DLGAP1: variants seen among roughly 807,000 people sequenced by gnomAD.
DLGAP1 encodes the protein disks large-associated protein 1.
In DLGAP1, 11 loss-of-function variants were observed where a neutral mutation model predicts 90.8. That is an observed-to-expected ratio of 0.12 (90% confidence interval 0.08 to 0.20). The LOEUF (loss-of-function observed/expected upper bound fraction) is 0.20, where lower values mean the gene tolerates loss of function less well. Among genes scored for constraint, DLGAP1 ranks in the 10% least tolerant of loss-of-function variants. The pLI, the probability that DLGAP1 is intolerant of heterozygous loss-of-function variation, is 1.00. For synonymous variants in DLGAP1, 558 were observed against 540.7 expected (o/e 1.03, Z -0.44); for missense variants, 1,050 against 1,333.8 (o/e 0.79, Z 3.31).
chr18:3,631,358 T>C (rs999687311), intron 7 of DLGAP1, among the ~76,000 whole-genome samples: 4 of 152,206 alleles, frequency 2.6e-5, no homozygotes, highest in African/African-American at 9.6e-5. Flanking sequence ...TATCTAGACT[T>C]AATACCCTTA....
chr18:4,080,890 C>CCTTTTTTTTTTTTTTTTTT (rs1230926803), intron 2 of DLGAP1, among the ~76,000 whole-genome samples: 1 of 145,592 alleles, frequency 6.9e-6, no homozygotes, highest in Non-Finnish European at 1.5e-5. Flanking sequence ...TTTGAATGCC[C>CCTTTTTTTTTTTTTTTTTT]TTTTTTTTTT....
intron 1 of DLGAP1, among the ~76,000 whole-genome samples, chr18:4,328,233 T>C (rs1035578229): frequency 2.0e-5 from 3 of 151,964 alleles, no homozygotes; most frequent in Non-Finnish European, 2.9e-5. Context: ...CCTCGCTCTC[T>C]CTCTTTAAGC....
At chr18:4,211,656 C>A (rs1455411287) in intron 1 of DLGAP1, among the ~76,000 whole-genome samples, 2 of 152,112 alleles carry the variant, frequency 1.3e-5, no homozygotes, top group African/African-American at 4.8e-5. Context: ...TGATTCCCTG[C>A]ATTTCACCCA....
At chr18:3,581,355 T>C (rs1407074793) in intron 8 of DLGAP1, among the ~76,000 whole-genome samples, 1 of 152,318 alleles carries the variant, frequency 6.6e-6, no homozygotes, top group Non-Finnish European at 1.5e-5. Context: ...TGGCTTATCA[T>C]GTCTCTGTGG....
At chr18:4,120,385 G>A (rs2076132991) in intron 2 of DLGAP1, among the ~76,000 whole-genome samples, 1 of 152,120 alleles carries the variant, frequency 6.6e-6, no homozygotes, top group East Asian at 1.9e-4. Context: ...TATCTAATCC[G>A]CAGCATGACA....
intron 3 of DLGAP1, among the ~76,000 whole-genome samples, chr18:3,888,280 C>G (rs548803774): frequency 9.6e-4 from 146 of 152,150 alleles, no homozygotes; most frequent in African/African-American, 3.3e-3. Flanking sequence ...GGCTTCCTTA[C>G]TTGAAGATTT....
At chr18:4,256,113 C>T (rs1022541326) in intron 1 of DLGAP1, among the ~76,000 whole-genome samples, 2 of 152,222 alleles carry the variant, frequency 1.3e-5, no homozygotes, top group African/African-American at 4.8e-5. Context: ...TGATGCCCTG[C>T]TCTTCTGGCC....
At chr18:3,605,116 C>T (rs1328601626) in intron 7 of DLGAP1, among the ~76,000 whole-genome samples, 1 of 152,184 alleles carries the variant, frequency 6.6e-6, no homozygotes, top group Non-Finnish European at 1.5e-5. Context: ...ATAAGAGTTC[C>T]TATTCACCCT....
chr18:3,811,623 G>A (rs2066847471), intron 5 of DLGAP1, among the ~76,000 whole-genome samples: 1 of 152,202 alleles, frequency 6.6e-6, no homozygotes, highest in South Asian at 2.1e-4. Flanking sequence ...TTCACCGTCT[G>A]AAGGAGCTGA....
chr18:3,966,052 C>A (rs1425679737), intron 3 of DLGAP1, among the ~76,000 whole-genome samples: 1 of 150,602 alleles, frequency 6.6e-6, no homozygotes, highest in East Asian at 2.0e-4. Flanking sequence ...AAGTAAACAA[C>A]CATATGAATA....
intron 2 of DLGAP1, among the ~76,000 whole-genome samples, chr18:4,059,447 T>C (rs531969143): frequency 6.6e-6 from 1 of 152,170 alleles, no homozygotes. Flanking sequence ...CTAGAAGGCA[T>C]GAGCCGCCGC....
intron 10 of DLGAP1, among the ~76,000 whole-genome samples, chr18:3,515,400 G>A (rs893665672): frequency 1.4e-5 from 1 of 72,088 alleles, no homozygotes; most frequent in Admixed American, 1.9e-4. Context: ...AACCCAGGAG[G>A]CGGAGCTTGA....
At chr18:3,676,870 T>G (rs77137837) in intron 7 of DLGAP1, among the ~76,000 whole-genome samples, 3,191 of 152,252 alleles carry the variant, frequency 0.021, 119 homozygotes, top group African/African-American at 0.073. Flanking sequence ...AATCACCAGA[T>G]TTCTCTCCCT....
At chr18:3,651,352 T>C (rs2059296558) in intron 7 of DLGAP1, among the ~76,000 whole-genome samples, 1 of 152,170 alleles carries the variant, frequency 6.6e-6, no homozygotes, top group African/African-American at 2.4e-5. Context: ...AGCAAGACTC[T>C]GCCTAAAAAA....
intron 2 of DLGAP1, among the ~76,000 whole-genome samples, chr18:4,143,618 A>C (rs1162711425): frequency 6.6e-6 from 1 of 151,886 alleles, no homozygotes; most frequent in African/African-American, 2.4e-5. Context: ...ACTGTGAGCA[A>C]GCTAGTACCT....
At chr18:4,039,762 C>T (rs1260086072) in intron 2 of DLGAP1, among the ~76,000 whole-genome samples, 1 of 152,148 alleles carries the variant, frequency 6.6e-6, no homozygotes, top group African/African-American at 2.4e-5. Context: ...CAAATAAAAG[C>T]AGTGATAAAA....
chr18:4,191,566 C>T (rs2077400208), intron 1 of DLGAP1, among the ~76,000 whole-genome samples: 1 of 152,158 alleles, frequency 6.6e-6, no homozygotes, highest in East Asian at 1.9e-4. Flanking sequence ...AGTCCATTCT[C>T]TCCAGAGTGG....
At chr18:4,380,426 A>G (rs1331609506) in intron 1 of DLGAP1, among the ~76,000 whole-genome samples, 1 of 152,120 alleles carries the variant, frequency 6.6e-6, no homozygotes, top group Non-Finnish European at 1.5e-5. Context: ...ATGGAGGGTA[A>G]AGACTCATAG....
intron 2 of DLGAP1, among the ~76,000 whole-genome samples, chr18:4,088,570 T>C (rs2075721602): frequency 6.6e-6 from 1 of 152,200 alleles, no homozygotes; most frequent in Non-Finnish European, 1.5e-5. Flanking sequence ...CTTGTAGCAC[T>C]GTCTGCTGGC....
Sources: allele counts gnomAD v4.1 joint callset (sites outside exome capture counted in the v4.1 genomes callset), GRCh38; gene constraint gnomAD v4.1.1; transcripts MANE v1.5; gene names NCBI Gene and HGNC (gene_info 2026-07-23, HGNC 2026-07-21).